The following FOXP2 variants were observed in gnomAD, a reference collection of about 807,000 sequenced individuals.
The protein encoded by FOXP2 is forkhead box P2.
A neutral mutation model predicts 115.8 loss-of-function variants in FOXP2; 12 were observed. The ratio of observed to expected loss-of-function variants is 0.10; its 90% confidence interval spans 0.07 to 0.17. The LOEUF is 0.17. Among genes scored for constraint, FOXP2 ranks in the 10% least tolerant of loss-of-function variants. FOXP2 has a pLI of 1.00. For missense variants in FOXP2, 629 were observed against 843.5 expected (o/e 0.75, Z 3.15); for synonymous variants, 328 against 297.7 (o/e 1.10, Z -1.05).
chr7:114,402,099 G>A (rs1664704169), intron 2 of FOXP2, among the ~76,000 whole-genome samples: 2 of 152,122 alleles, frequency 1.3e-5, no homozygotes, highest in East Asian at 3.9e-4. Context: ...TCCAGCCTAT[G>A]CAACAGAGCA....
chr7:114,138,476 CT>C (rs2129146633), intron 1 of FOXP2, among the ~76,000 whole-genome samples: 1 of 151,050 alleles, frequency 6.6e-6, no homozygotes, highest in South Asian at 2.1e-4. Flanking sequence ...ACTGCAACCT[CT>C]GCCTCCCGGG....
chr7:114,372,921 T>C (rs1229708903), intron 2 of FOXP2, among the ~76,000 whole-genome samples: 4 of 152,230 alleles, frequency 2.6e-5, no homozygotes, highest in African/African-American at 4.8e-5. Flanking sequence ...AAATGAATTT[T>C]ACATTTTTAA....
At chr7:114,138,834 C>T (rs969128767) in intron 1 of FOXP2, among the ~76,000 whole-genome samples, 5 of 151,972 alleles carry the variant, frequency 3.3e-5, no homozygotes, top group Non-Finnish European at 7.4e-5. Context: ...TCTAAGGACA[C>T]AAAATGACAA....
intron 3 of FOXP2, among the ~76,000 whole-genome samples, chr7:114,587,244 C>T (rs1802185880): frequency 6.6e-6 from 1 of 152,058 alleles, no homozygotes; most frequent in Admixed American, 6.6e-5. Context: ...CACCCCCTAA[C>T]AGGCCCTGGT....
At chr7:114,495,540 T>A (rs934050592) in intron 2 of FOXP2, among the ~76,000 whole-genome samples, 6 of 143,514 alleles carry the variant, frequency 4.2e-5, no homozygotes, top group African/African-American at 1.3e-4. Flanking sequence ...AGTTTCACCC[T>A]TGTTGCCCAG....
chr7:114,170,944 A>G (rs1258814087), intron 1 of FOXP2, among the ~76,000 whole-genome samples: 1 of 152,250 alleles, frequency 6.6e-6, no homozygotes, highest in African/African-American at 2.4e-5. Context: ...GGATAGAACA[A>G]CCTTTTATTG....
chr7:114,662,915 T>G (rs1337957172), intron 14 of FOXP2, among the ~76,000 whole-genome samples: 1 of 152,186 alleles, frequency 6.6e-6, no homozygotes, highest in Non-Finnish European at 1.5e-5. Flanking sequence ...GAGATGACTT[T>G]AATGTATTTT....
chr7:114,202,023 A>G (rs528432517), intron 1 of FOXP2, among the ~76,000 whole-genome samples: 2 of 152,352 alleles, frequency 1.3e-5, no homozygotes, highest in African/African-American at 4.8e-5. Flanking sequence ...AAAACTCAAA[A>G]CAAAAATAAT....
chr7:114,200,777 T>C (rs1203829386), intron 1 of FOXP2, among the ~76,000 whole-genome samples: 3 of 152,230 alleles, frequency 2.0e-5, no homozygotes, highest in Non-Finnish European at 4.4e-5. Context: ...ATTACTTTTT[T>C]CCCCTATGCT....
chr7:114,281,769 CATA>C (rs930214779), intron 1 of FOXP2, among the ~76,000 whole-genome samples: 9 of 152,104 alleles, frequency 5.9e-5, no homozygotes, highest in Non-Finnish European at 8.8e-5. Context: ...AAACTGTACC[CATA>C]ATGTCAGCAG....
At chr7:114,671,171 A>T (rs748418699) in intron 16 of FOXP2, among the ~76,000 whole-genome samples, 3 of 152,026 alleles carry the variant, frequency 2.0e-5, no homozygotes, top group Non-Finnish European at 4.4e-5. Context: ...GGAACTTATG[A>T]TTATGCCAGC....
At chr7:114,250,198 A>G (rs1795403381) in intron 1 of FOXP2, among the ~76,000 whole-genome samples, 1 of 152,082 alleles carries the variant, frequency 6.6e-6, no homozygotes, top group African/African-American at 2.4e-5. Context: ...TCTATCACTG[A>G]TGGACATTTG....
intron 3 of FOXP2, among the ~76,000 whole-genome samples, chr7:114,594,151 C>T (rs962991157): frequency 1.3e-5 from 2 of 152,004 alleles, no homozygotes; most frequent in African/African-American, 4.8e-5. Flanking sequence ...TTAACTCATC[C>T]TCTAATAATC....
At chr7:114,500,125 A>G (rs900254536) in intron 2 of FOXP2, among the ~76,000 whole-genome samples, 2 of 150,630 alleles carry the variant, frequency 1.3e-5, no homozygotes, top group South Asian at 2.1e-4. Context: ...CTGAGGCAGG[A>G]GAATGGCGTG....
In FOXP2 at chr7:114,270,658, G is replaced by A. The variant is rs955898050; in HGVS notation, c.-101-17361G>A. On this transcript the variant is annotated intron_variant, in intron 1 of 17. Transcript: ENST00000634411. ...GATCTTTGGCCCAGTTTTTAATTGA[G>A]TTTTTTTCTTATTGTTGAGTTTTAA... 3.3e-5 allele frequency among the ~76,000 whole-genome samples: 5 copies of A among 152,128 alleles called. No homozygotes were observed. The South Asian group carries it at 1.0e-3, about 32-fold the overall frequency.
At chr7:114,345,536 G>A (rs757947106) in intron 2 of FOXP2, among the ~76,000 whole-genome samples, 17 of 151,612 alleles carry the variant, frequency 1.1e-4, no homozygotes, top group Non-Finnish European at 2.4e-4. Flanking sequence ...TTCTTTTCTG[G>A]CAGTAAGAAC....
At chr7:114,565,705 C>A (rs2129293395) in intron 3 of FOXP2, among the ~76,000 whole-genome samples, 1 of 152,208 alleles carries the variant, frequency 6.6e-6, no homozygotes, top group African/African-American at 2.4e-5. Context: ...CAGTCCACAC[C>A]ACCATCTTCT....
chr7:114,526,635 C>T (rs1358586944), intron 2 of FOXP2, among the ~76,000 whole-genome samples: 2 of 152,168 alleles, frequency 1.3e-5, no homozygotes, highest in Middle Eastern at 3.2e-3. Flanking sequence ...ACTACTTCTA[C>T]TTCAGTACCC....
Position 114,615,046 on chromosome 7 carries a change from C to T in FOXP2, c.259-13494C>T, listed in dbSNP as rs372417618. ...CCATCCTGGCCAACATGGTGAAACC[C>T]CGTCTCTACCAAAAATGCAAAAATT... On this transcript the variant is annotated intron_variant, in intron 3 of 16. Transcript: ENST00000350908. 1.9e-4 allele frequency among the ~76,000 whole-genome samples: 29 copies of T among 152,182 alleles called. No homozygotes were observed. The South Asian group carries it at 6.0e-3, about 32-fold the overall frequency.
Sources: gnomAD v4.1 joint callset for allele counts (sites outside exome capture counted in the v4.1 genomes callset) on GRCh38, gnomAD v4.1.1 for gene constraint, MANE v1.5 for transcripts, NCBI Gene and HGNC (gene_info 2026-07-23, HGNC 2026-07-21) for gene names.